The following SLC38A9 variants were observed in gnomAD, a reference collection of about 807,000 sequenced individuals.
SLC38A9 encodes the protein solute carrier family 38 member 9.
In SLC38A9, 48 loss-of-function variants were observed where a neutral mutation model predicts 62.3. The ratio of observed to expected loss-of-function variants is 0.77; its 90% CI spans 0.61 to 0.98. The LOEUF is 0.98. SLC38A9 is among the 50% of genes least tolerant of loss of function. The probability of loss-of-function intolerance (pLI) is 0.00; values close to 1 mark genes in which losing one functional copy is unlikely to be tolerated. For missense variants in SLC38A9, 541 were observed against 679.8 expected (o/e 0.80, Z 2.27); for synonymous variants, 204 against 227.7 (o/e 0.90, Z 0.94).
intron 3 of SLC38A9, among the ~76,000 whole-genome samples, chr5:55,689,375 C>T (rs1308334087): frequency 7.2e-5 from 11 of 152,184 alleles, no homozygotes; most frequent in Admixed American, 7.2e-4. Flanking sequence ...ACACCAATTC[C>T]TTATCATTGG....
Position 55,671,995 on chromosome 5 carries a change from G to A in SLC38A9, c.246+568C>T, listed in dbSNP as rs115915114. Among the ~76,000 whole-genome samples the A allele has an allele frequency of 5.6e-3, 847 of 152,166 alleles. 4 individuals are homozygous for A. The highest frequency in any genetic ancestry group is 0.014 in the African/African-American group (584 of 41,500). ...CTCAAGTAGCTGGAACTATAGGTGCGAGCCATCATGCTTGGCTAATTAAAA... is the reference window on the plus strand; with the variant it reads ...CTCAAGTAGCTGGAACTATAGGTGCAAGCCATCATGCTTGGCTAATTAAAA... On this transcript the variant is annotated intron_variant, in intron 4 of 15. Transcript: ENST00000396865.
chr5:55,649,356 G>A, intron 10 of SLC38A9, 42 bp from the exon 11 acceptor site: 2 of 1,206,742 alleles, frequency 1.7e-6, no homozygotes, highest in Non-Finnish European at 2.3e-6. Context: ...ATCTTTGTGT[G>A]TTTTACAGAT....
intron 15 of SLC38A9, 45 bp from the exon 16 acceptor site, chr5:55,626,704 G>C (rs1328740833): frequency 2.1e-5 from 32 of 1,503,486 alleles, no homozygotes; most frequent in Non-Finnish European, 2.8e-5. Context: ...CTTGCACTTT[G>C]CTTTTTACAA....
At chr5:55,635,780 A>G in intron 12 of SLC38A9, 123 bp from the exon 13 acceptor site, 1 of 601,382 alleles carries the variant, frequency 1.7e-6, no homozygotes, top group Non-Finnish European at 2.9e-6. Flanking sequence ...ATGTGTGTAT[A>G]TACTTCTAGA....
intron 3 of SLC38A9, among the ~76,000 whole-genome samples, chr5:55,673,107 G>C (rs1751576567): frequency 6.6e-6 from 1 of 152,172 alleles, no homozygotes; most frequent in South Asian, 2.1e-4. Context: ...CTCCTGAAGA[G>C]TCTCTACTCC....
intron 8 of SLC38A9, chr5:55,657,847 C>T (rs1748729705): frequency 6.6e-6 from 1 of 152,176 alleles, no homozygotes; most frequent in Admixed American, 6.5e-5. Flanking sequence ...CCGTATGTTT[C>T]TCAAGATAGA....
intron 15 of SLC38A9, 84 bp downstream of exon 15, chr5:55,627,802 CAATTA>C: frequency 2.5e-6 from 2 of 793,334 alleles, no homozygotes; most frequent in South Asian, 1.7e-5. Context: ...GAATTTCATA[CAATTA>C]AATTAAAACA....
chr5:55,706,294 A>G (rs1211825395), intron 2 of SLC38A9, among the ~76,000 whole-genome samples: 1 of 152,214 alleles, frequency 6.6e-6, no homozygotes, highest in Non-Finnish European at 1.5e-5. Flanking sequence ...TTTCTAATTT[A>G]CTTTGTAAAC....
chr5:55,664,161 AAAAAATG>A (rs1334928469), intron 8 of SLC38A9, among the ~76,000 whole-genome samples: 3 of 152,060 alleles, frequency 2.0e-5, no homozygotes, highest in African/African-American at 7.2e-5. Context: ...TCATTAATTA[AAAAAATG>A]AACTTCCTCT....
chr5:55,701,584 C>G (rs539854812), intron 2 of SLC38A9, among the ~76,000 whole-genome samples: 79 of 152,288 alleles, frequency 5.2e-4, no homozygotes, highest in African/African-American at 1.9e-3. Flanking sequence ...TCCTTATCCC[C>G]CTACACTGTA....
rs191978125 is a variant in SLC38A9 at position 55,645,717 on chromosome 5, G to A, written c.1167+72C>T. ...TGCCTAATTGTACTCTAAATATAAA[G>A]TGCCTCAAATACTGACTTAAAAAAT... On this transcript the variant is annotated intron_variant, in intron 12 of 15. Coordinates refer to ENST00000396865, the MANE Select transcript of SLC38A9 (RefSeq NM_173514.4). 3.1e-4 allele frequency: 313 copies of A among 995,534 alleles called. 2 individuals are homozygous for A. In the East Asian group the frequency reaches 6.5e-3, roughly 21 times the overall value. The allele number at this position is 995,534 out of a possible 1,614,324, so 61.7% of individuals were successfully genotyped here. A position where few individuals can be genotyped will look rare whatever the true frequency, so the allele number is the denominator to read the frequency against.
At chr5:55,656,588 A>G in intron 9 of SLC38A9, 127 bp downstream of exon 9, 1 of 663,990 alleles carries the variant, frequency 1.5e-6, no homozygotes, top group Non-Finnish European at 2.6e-6. Flanking sequence ...ACAATTTAGT[A>G]GCAGCTCAGT....
chr5:55,630,222 A>C (rs1379267384), intron 14 of SLC38A9, among the ~76,000 whole-genome samples: 3 of 152,374 alleles, frequency 2.0e-5, no homozygotes, highest in African/African-American at 7.2e-5. Context: ...GGATATTATA[A>C]CATGGAATGC....
At chr5:55,656,231 G>C (rs970157784) in intron 9 of SLC38A9, among the ~76,000 whole-genome samples, 1 of 149,772 alleles carries the variant, frequency 6.7e-6, no homozygotes, top group African/African-American at 2.5e-5. Flanking sequence ...AATTGAAAAA[G>C]CTTCAATTTA....
At chr5:55,659,177 A>G (rs997339231) in intron 8 of SLC38A9, among the ~76,000 whole-genome samples, 9 of 152,052 alleles carry the variant, frequency 5.9e-5, no homozygotes, top group Non-Finnish European at 8.8e-5. Flanking sequence ...TTTGTGAAAC[A>G]TCAGAAAGAT....
chr5:55,650,360 A>C (rs1747166301), intron 10 of SLC38A9, among the ~76,000 whole-genome samples: 1 of 152,214 alleles, frequency 6.6e-6, no homozygotes, highest in Non-Finnish European at 1.5e-5. Context: ...CCTCTAATGA[A>C]GCTATGGTTT....
chr5:55,637,335 A>G (rs2150073046), intron 12 of SLC38A9, among the ~76,000 whole-genome samples: 1 of 152,340 alleles, frequency 6.6e-6, no homozygotes, highest in South Asian at 2.1e-4. Context: ...TTCCAACAAG[A>G]CTTTTCCCTT....
chr5:55,695,942 AGG>A, intron 3 of SLC38A9: 2 of 75,628 alleles, frequency 2.6e-5, no homozygotes, highest in African/African-American at 4.1e-5. Flanking sequence ...GGCCGGGCAG[AGG>A]GGCTCCTCAC....
intron 8 of SLC38A9, among the ~76,000 whole-genome samples, chr5:55,659,436 T>G (rs563278561): frequency 7.3e-5 from 11 of 150,646 alleles, no homozygotes; most frequent in Non-Finnish European, 1.5e-4. Context: ...TGCCCAGGCT[T>G]GAGTGCAGTG....
Sources: allele counts gnomAD v4.1 joint callset (sites outside exome capture counted in the v4.1 genomes callset), GRCh38; gene constraint gnomAD v4.1.1; transcripts MANE v1.5; gene names NCBI Gene and HGNC (gene_info 2026-07-23, HGNC 2026-07-21).